AUH: variants seen among roughly 807,000 people sequenced by gnomAD.
AUH encodes methylglutaconyl-CoA hydratase, mitochondrial.
A neutral mutation model predicts 42.3 loss-of-function variants in AUH; 29 were observed. That is an observed-to-expected ratio of 0.69 (90% confidence interval 0.51 to 0.93). The LOEUF is 0.93. AUH is among the 40% of genes least tolerant of loss of function. The pLI, the probability that AUH is intolerant of heterozygous loss-of-function variation, is 0.00. For missense variants in AUH, 452 were observed against 438.1 expected (o/e 1.03, Z -0.28); for synonymous variants, 174 against 166.4 (o/e 1.05, Z -0.35).
intron 3 of AUH, among the ~76,000 whole-genome samples, chr9:91,343,824 C>T (rs1253431259): frequency 6.6e-6 from 1 of 152,180 alleles, no homozygotes; most frequent in Non-Finnish European, 1.5e-5. Context: ...TGGCAATTAA[C>T]TTGAAAACTT....
chr9:91,305,451 C>CAAAT (rs1828136031), intron 4 of AUH, among the ~76,000 whole-genome samples: 1 of 152,182 alleles, frequency 6.6e-6, no homozygotes, highest in Admixed American at 6.5e-5. Context: ...CTGCTTCCAT[C>CAAAT]AAATATATGC....
chr9:91,280,567 A>AT (rs1303070802), intron 6 of AUH, among the ~76,000 whole-genome samples: 1 of 152,190 alleles, frequency 6.6e-6, no homozygotes, highest in Non-Finnish European at 1.5e-5. Flanking sequence ...ATTTGAACAC[A>AT]TAAATAAAGC....
chr9:91,226,493 C>T (rs1256168497), intron 6 of AUH, among the ~76,000 whole-genome samples: 232 of 151,472 alleles, frequency 1.5e-3, no homozygotes, highest in African/African-American at 5.1e-3. Context: ...TTCTCCCATT[C>T]TGTAGGTTGC....
chr9:91,225,675 A>G (rs938523286), intron 6 of AUH, among the ~76,000 whole-genome samples: 3 of 149,678 alleles, frequency 2.0e-5, no homozygotes, highest in African/African-American at 7.4e-5. Context: ...AGCATTAGGT[A>G]TATCTCCCAC....
intron 3 of AUH, among the ~76,000 whole-genome samples, chr9:91,339,830 T>G (rs182517572): frequency 8.7e-4 from 133 of 152,272 alleles, no homozygotes; most frequent in African/African-American, 2.9e-3. Flanking sequence ...CCTGTGACTG[T>G]CCCTGTTTTC....
intron 3 of AUH, among the ~76,000 whole-genome samples, chr9:91,329,958 T>A (rs1268124703): frequency 6.6e-6 from 1 of 152,312 alleles, no homozygotes; most frequent in South Asian, 2.1e-4. Context: ...GGGTGTTCCC[T>A]AACACTTTTA....
At chr9:91,275,924 A>G (rs1825503209) in intron 6 of AUH, among the ~76,000 whole-genome samples, 1 of 152,158 alleles carries the variant, frequency 6.6e-6, no homozygotes, top group Non-Finnish European at 1.5e-5. Flanking sequence ...ACCTAGTTTC[A>G]TTAGGGTGGG....
At chr9:91,336,761 A>C (rs1830724969) in intron 3 of AUH, among the ~76,000 whole-genome samples, 1 of 152,098 alleles carries the variant, frequency 6.6e-6, no homozygotes, top group African/African-American at 2.4e-5. Flanking sequence ...TCTAGGTTTC[A>C]AATACATCTC....
rs929429378 is a variant in AUH, at chr9:91,361,778, C to G, written c.112G>C (p.Gly38Arg). 7.8e-6 allele frequency: 12 copies of G among 1,543,724 alleles called. No individual in the cohort carries two copies. The highest frequency in any genetic ancestry group is 1.0e-5 in the Non-Finnish European group (12 of 1,145,818). The change falls in exon 1 of 10, where the codon GGC (glycine) becomes CGC (arginine). Residue 38 changes from glycine (G) to arginine (R), a missense_variant. Coordinates refer to ENST00000375731, the MANE Select transcript of AUH (RefSeq NM_001698.3). ...CCCGCTCGCCGGCCTGCCAACGAGC[C>G]GGGCAGCCTCAACCCCGGGCAGAGC... ...AWLCPGLRLP[G>R]SLAGRRAGPA...
At position 91,220,993 on chromosome 9, in the gene AUH, C is replaced by A. The variant is rs150082246; in HGVS notation, c.656-1G>T. ...GCGCGTGGCAATCGCTGTGTCCCCC[C>A]TGAGGGGTGAAAGAGAGAGAAAAGG... On this transcript the variant is annotated splice_acceptor_variant, in intron 6 of 9. Coordinates refer to ENST00000375731, the MANE Select transcript of AUH (RefSeq NM_001698.3). LOFTEE classifies it high-confidence loss of function. 6.2e-7 allele frequency: 1 copy of A among 1,613,984 alleles called. No individual in the cohort carries two copies. Among genetic ancestry groups the A allele is most frequent in the South Asian group, 1.1e-5 (1 of 91,082 alleles).
At chr9:91,338,598 T>G (rs879263592) in intron 3 of AUH, among the ~76,000 whole-genome samples, 2 of 152,146 alleles carry the variant, frequency 1.3e-5, no homozygotes, top group Non-Finnish European at 1.5e-5. Flanking sequence ...GCCCTGCTAA[T>G]TTTTGTATTT....
intron 6 of AUH, among the ~76,000 whole-genome samples, chr9:91,225,948 C>T: frequency 6.7e-6 from 1 of 149,788 alleles, no homozygotes; most frequent in Admixed American, 6.7e-5. Flanking sequence ...TCCAGTCTAT[C>T]ATTGTTGGAC....
intron 6 of AUH, among the ~76,000 whole-genome samples, chr9:91,246,568 T>C (rs868460942): frequency 4.6e-5 from 7 of 152,170 alleles, no homozygotes; most frequent in African/African-American, 9.7e-5. Flanking sequence ...AAAAACAAGA[T>C]TGCAGAGCAA....
At chr9:91,329,337 T>C (rs955154361) in intron 3 of AUH, among the ~76,000 whole-genome samples, 2 of 152,064 alleles carry the variant, frequency 1.3e-5, no homozygotes, top group Non-Finnish European at 2.9e-5. Flanking sequence ...GCCAAGCTGT[T>C]TGCCTAGGTT....
At chr9:91,277,263 G>A (rs1213500929) in intron 6 of AUH, among the ~76,000 whole-genome samples, 3 of 152,078 alleles carry the variant, frequency 2.0e-5, no homozygotes, top group African/African-American at 7.2e-5. Context: ...ACAGAATCCA[G>A]AATTACAATT....
chr9:91,312,613 C>G (rs751336024), intron 4 of AUH, among the ~76,000 whole-genome samples: 4 of 152,208 alleles, frequency 2.6e-5, no homozygotes, highest in Non-Finnish European at 5.9e-5. Flanking sequence ...GTAGTTCTAA[C>G]TACTCAAGAG....
At chr9:91,229,053 G>A (rs2131275391) in intron 6 of AUH, among the ~76,000 whole-genome samples, 1 of 151,668 alleles carries the variant, frequency 6.6e-6, no homozygotes, top group South Asian at 2.1e-4. Context: ...GGAGAGTTCT[G>A]TAGATGTCTA....
At chr9:91,292,266 G>A (rs1440064897) in intron 6 of AUH, among the ~76,000 whole-genome samples, 1 of 149,922 alleles carries the variant, frequency 6.7e-6, no homozygotes. Flanking sequence ...CAAAGCCTGG[G>A]AACCCTCTTT....
chr9:91,221,004 A>C lies in AUH; in HGVS notation c.656-12T>G. 1 of 1,613,928 alleles carries C rather than the reference A, an allele frequency of 6.2e-7. No individual in the cohort carries two copies. The highest frequency in any genetic ancestry group is 8.5e-7 in the Non-Finnish European group (1 of 1,179,904). ...TCGCTGTGTCCCCCCTGAGGGGTGA[A>C]AGAGAGAGAAAAGGCAATGATTTGA... On this transcript the variant is annotated splice_polypyrimidine_tract_variant and intron_variant, in intron 6 of 9. Coordinates refer to ENST00000375731, the MANE Select transcript of AUH (RefSeq NM_001698.3).
Sources: allele counts gnomAD v4.1 joint callset (sites outside exome capture counted in the v4.1 genomes callset), GRCh38; gene constraint gnomAD v4.1.1; transcripts MANE v1.5; gene names NCBI Gene and HGNC (gene_info 2026-07-23, HGNC 2026-07-21).